Variants in CASKIN1 observed in about 807,000 individuals in gnomAD.
CASKIN1 encodes caskin-1.
In CASKIN1, 42 loss-of-function variants were observed where a neutral mutation model predicts 117.5. That is an observed-to-expected ratio of 0.36 (90% CI 0.28 to 0.46). The LOEUF is 0.46. Among genes scored for constraint, CASKIN1 ranks in the 20% least tolerant of loss-of-function variants. The probability of loss-of-function intolerance (pLI) is 1.00; values close to 1 mark genes in which losing one functional copy is unlikely to be tolerated. For missense variants in CASKIN1, 2,083 were observed against 2,077.3 expected (o/e 1.00, Z -0.05); for synonymous variants, 1,148 against 961.7 (o/e 1.19, Z -3.59).
At chr16:2,193,122 A>G (rs546758912) in intron 1 of CASKIN1, among the ~76,000 whole-genome samples, 4 of 152,148 alleles carry the variant, frequency 2.6e-5, no homozygotes, top group East Asian at 3.9e-4. Flanking sequence ...GGTTCAAGCA[A>G]TTCTTCTGCT....
chr16:2,189,004 G>A (rs369701806), intron 6 of CASKIN1, 23 bp downstream of exon 6: 5 of 1,602,212 alleles, frequency 3.1e-6, no homozygotes, highest in Non-Finnish European at 4.3e-6. Flanking sequence ...TAAGGCTGAG[G>A]CCCTCCCTGC....
chr16:2,187,118 G>C, intron 8 of CASKIN1, 46 bp from the exon 9 acceptor site: 1 of 1,612,642 alleles, frequency 6.2e-7, no homozygotes, highest in Non-Finnish European at 8.5e-7. Flanking sequence ...GGCTGATCTG[G>C]CCCAGCCCCA....
chr16:2,181,760 C>G (rs754549890), intron 17 of CASKIN1, 31 bp downstream of exon 17: 2 of 1,603,192 alleles, frequency 1.2e-6, no homozygotes, highest in Admixed American at 3.4e-5. Flanking sequence ...GAGGGTTGGG[C>G]TGGGGACGAG....
rs572691768 is a variant in CASKIN1 at position 2,184,190 on chromosome 16, C to CG, written c.1417-250dup. On this transcript the variant is annotated intron_variant, in intron 14 of 19. Coordinates refer to ENST00000343516, the MANE Select transcript of CASKIN1 (RefSeq NM_020764.4). Reference sequence around the variant, plus strand: ...ATCTCCACCGGTGGGGGGAGGGGGGCGGGGGGGCTGCTACTGTCCGCCACA... The same window carrying CG: ...ATCTCCACCGGTGGGGGGAGGGGGGCGGGGGGGGCTGCTACTGTCCGCCACA... 2.1e-4 allele frequency among the ~76,000 whole-genome samples: 31 copies of CG among 147,784 alleles called. 1 individual carries two copies. In the South Asian group the frequency reaches 5.0e-3, roughly 24 times the overall value.
rs2093142281 is a variant in CASKIN1, at chr16:2,177,398, A to G, written c.*1152T>C. The stretch of plus-strand genomic sequence containing the variant: ...CCGCCTCCACCCGCCCCACACCACA[A>G]TCGCTGGTTTTCGGCATTTTTTAAA... On this transcript the variant is annotated 3_prime_UTR_variant, in exon 20 of 20. Transcript: ENST00000343516. The G allele has an allele frequency of 8.6e-6, 2 of 232,664 alleles. No individual in the cohort carries two copies. The highest frequency in any genetic ancestry group is 4.4e-5 in the African/African-American group (2 of 45,220). The allele number at this position is 232,664 out of a possible 1,614,324, so 14.4% of individuals were successfully genotyped here. A position where few individuals can be genotyped will look rare whatever the true frequency, so the allele number is the denominator to read the frequency against.
chr16:2,179,174 G>T lies in CASKIN1; in HGVS notation c.3927C>A (p.Ala1309=). The T allele has an allele frequency of 9.0e-7, 1 of 1,110,328 alleles. No individual in the cohort carries two copies. Among genetic ancestry groups the T allele is most frequent in the Non-Finnish European group, 1.1e-6 (1 of 910,060 alleles). The allele number at this position is 1,110,328 out of a possible 1,614,324, so 68.8% of individuals were successfully genotyped here. A position where few individuals can be genotyped will look rare whatever the true frequency, so the allele number is the denominator to read the frequency against. Residue 1309 remains alanine (A), a synonymous_variant, in exon 19 of 20, where the codon GCC becomes GCA. Transcript: ENST00000343516. This position sits in a 1 kb window ranked among gnomAD's most constrained non-coding sequence, Gnocchi z 5.8. The stretch of plus-strand genomic sequence containing the variant: ...GCGTACCGGGCGGCTTGGCGAGGGC[G>T]GCGGGCGGCTGTCGCGCGGGCGAGG... ...PAPSPARQPP[A]ALAKPPGTPP...
Position 2,179,030 on chromosome 16 carries a change from G to A in CASKIN1, c.4071C>T (p.Pro1357=), listed in dbSNP as rs2093156532. The change falls in exon 19 of 20, where the codon CCC becomes CCT. Residue 1357 remains proline, a synonymous_variant. Coordinates refer to ENST00000343516, the MANE Select transcript of CASKIN1 (RefSeq NM_020764.4). This position sits in a 1 kb window ranked among gnomAD's most constrained non-coding sequence, Gnocchi z 5.8. ...AAAAAAAAAP[P]APPEGASPGD... ...CTGGCGAGGCGCCTTCGGGCGGGGC[G>A]GGGGGCGCGGCGGCGGCGGCGGCGG... 2 of 1,144,876 alleles carry A rather than the reference G, an allele frequency of 1.7e-6. No homozygotes were observed. Among genetic ancestry groups the A allele is most frequent in the Non-Finnish European group, 1.1e-6 (1 of 932,968 alleles). The allele number at this position is 1,144,876 out of a possible 1,614,324, so 70.9% of individuals were successfully genotyped here. A position where few individuals can be genotyped will look rare whatever the true frequency, so the allele number is the denominator to read the frequency against.
At chr16:2,192,453 G>A (rs1225250398) in intron 1 of CASKIN1, among the ~76,000 whole-genome samples, 6 of 152,130 alleles carry the variant, frequency 3.9e-5, no homozygotes, top group Admixed American at 2.6e-4. Flanking sequence ...GTGGCCGTAC[G>A]TGGGGCTCCT....
Position 2,187,062 on chromosome 16 carries a change from C to T in CASKIN1, c.846G>A (p.Ala282=), listed in dbSNP as rs201035666. 3.7e-5 allele frequency: 60 copies of T among 1,613,624 alleles called. No individual in the cohort carries two copies. In the African/African-American group the frequency reaches 6.4e-4, roughly 17 times the overall value. Residue 282 remains alanine (A), a synonymous_variant, in exon 9 of 20, where the codon GCG becomes GCA. Coordinates refer to ENST00000343516, the MANE Select transcript of CASKIN1 (RefSeq NM_020764.4). ...EIKQLLREAS[A]ALQVRATKDY... is the part of the protein sequence containing the mutation. Reference sequence around the variant, plus strand: ...CCTTGGTCGCCCGGACCTGCAGGGCCGCTGAGGCCTCTGGGGATACAGGAG... The same window carrying T: ...CCTTGGTCGCCCGGACCTGCAGGGCTGCTGAGGCCTCTGGGGATACAGGAG...
At position 2,183,585 on chromosome 16, in the gene CASKIN1, C is replaced by G. The variant is rs921411774; in HGVS notation, c.1629+61G>C. ...GGAGTTGTGGCCAGGGAGGCAGGTT[C>G]TCTGTCTGTCTGTCTGTCTGCCCGT... On this transcript the variant is annotated intron_variant, in intron 16 of 19. Transcript: ENST00000343516. 19 of 1,507,748 alleles carry G rather than the reference C, an allele frequency of 1.3e-5. No individual in the cohort carries two copies. The Admixed American group carries it at 2.3e-4, about 18-fold the overall frequency. 93.4% of individuals were successfully genotyped at this position (1,507,748 alleles called of 1,614,324 possible). A position where few individuals can be genotyped will look rare whatever the true frequency, so the allele number is the denominator to read the frequency against.
At chr16:2,185,879 T>G (rs2093182841) in intron 10 of CASKIN1, among the ~76,000 whole-genome samples, 1 of 152,266 alleles carries the variant, frequency 6.6e-6, no homozygotes, top group Non-Finnish European at 1.5e-5. Context: ...GTCCCTCTCC[T>G]CAGCCTCCTG....
intron 2 of CASKIN1, 27 bp from the exon 3 acceptor site, chr16:2,190,197 C>G: frequency 6.2e-7 from 1 of 1,611,634 alleles, no homozygotes; most frequent in East Asian, 2.2e-5. Flanking sequence ...ACACATAGAG[C>G]AGAGGCCCTG....
chr16:2,181,997 TGGA>T, intron 16 of CASKIN1, 68 bp from the exon 17 acceptor site: 1 of 1,597,662 alleles, frequency 6.3e-7, no homozygotes, highest in Non-Finnish European at 8.6e-7. Flanking sequence ...TACCTGGAGC[TGGA>T]GGAGGAAGGG....
At position 2,180,455 on chromosome 16, in the gene CASKIN1, C is replaced by T. The variant is rs1432067822; in HGVS notation, c.2913G>A (p.Glu971=). The T allele has an allele frequency of 1.9e-6, 3 of 1,556,574 alleles. No homozygotes were observed. The highest frequency in any genetic ancestry group is 1.7e-6 in the Non-Finnish European group (2 of 1,158,238). ...NLADEPVPDA[E]PEDGLLGVRA... ...GGACCCCCAGCAGGCCATCCTCAGG[C>T]TCGGCGTCAGGCACCGGCTCATCCG... Residue 971 remains glutamate, a synonymous_variant, in exon 18 of 20, where the codon GAG becomes GAA. Transcript: ENST00000343516.
chr16:2,181,950 G>A, intron 16 of CASKIN1, 21 bp from the exon 17 acceptor site: 1 of 1,611,494 alleles, frequency 6.2e-7, no homozygotes, highest in Non-Finnish European at 8.5e-7. Context: ...GACACACAGA[G>A]GAGCCACCTG....
rs756965867 is a variant in CASKIN1, at chr16:2,181,454, C to T, written c.1914G>A (p.Glu638=). ...GGGACTGGCAGTCGGCCGGTGTGGG[C>T]TCAGGCGGGGGCGGCGACTCGATGG... ...VMAIESPPPP[E]PTPADCQSPK... Residue 638 remains glutamate, a synonymous_variant, in exon 18 of 20, where the codon GAG becomes GAA. Transcript: ENST00000343516. 5 of 1,612,158 alleles carry T rather than the reference C, an allele frequency of 3.1e-6. No individual in the cohort carries two copies. The East Asian group carries it at 6.7e-5, about 22-fold the overall frequency.
chr16:2,178,425 C>G lies in CASKIN1; in HGVS notation c.*125G>C, dbSNP rs1055774859. 1 of 666,832 alleles carries G rather than the reference C, an allele frequency of 1.5e-6. No individual in the cohort carries two copies. The highest frequency in any genetic ancestry group is 2.0e-5 in the African/African-American group (1 of 51,166). 41.3% of individuals were successfully genotyped at this position (666,832 alleles called of 1,614,324 possible). A position where few individuals can be genotyped will look rare whatever the true frequency, so the allele number is the denominator to read the frequency against. On this transcript the variant is annotated 3_prime_UTR_variant, in exon 20 of 20. Coordinates refer to ENST00000343516, the MANE Select transcript of CASKIN1 (RefSeq NM_020764.4). ...GGCGCCCCGGCCCGGGTCCAGGGGC[C>G]GGAGTTGTGCTTCTGCAGGGCCCTG... is the stretch of plus-strand genomic sequence containing the variant.
intron 6 of CASKIN1, among the ~76,000 whole-genome samples, chr16:2,188,511 C>T (rs931094946): frequency 8.6e-5 from 13 of 151,878 alleles, no homozygotes; most frequent in African/African-American, 1.9e-4. Flanking sequence ...CCAACACACC[C>T]GGCTAGTTTT....
rs183793917 is a variant in CASKIN1 at position 2,188,807 on chromosome 16, C to T, written c.617+220G>A. Reference sequence around the variant, plus strand: ...GCACCTCCTCGAGCACACCCAGGAGCGGTGGGGCTGGGACAGAGACGTCGC... The same window carrying T: ...GCACCTCCTCGAGCACACCCAGGAGTGGTGGGGCTGGGACAGAGACGTCGC... On this transcript the variant is annotated intron_variant, in intron 6 of 19. Transcript: ENST00000343516. 1,279 of 593,788 alleles carry T rather than the reference C, an allele frequency of 2.2e-3. 2 individuals carry two copies. The highest frequency in any genetic ancestry group is 3.2e-3 in the Non-Finnish European group (1,132 of 350,210). 36.8% of individuals were successfully genotyped at this position (593,788 alleles called of 1,614,324 possible).
Sources: gnomAD v4.1 joint callset for allele counts (sites outside exome capture counted in the v4.1 genomes callset) on GRCh38, gnomAD v4.1.1 for gene constraint, Gnocchi (gnomAD v3.1) non-coding constraint, MANE v1.5 for transcripts, NCBI Gene and HGNC (gene_info 2026-07-23, HGNC 2026-07-21) for gene names.